The following TXNDC5 variants were observed in gnomAD, a reference collection of about 807,000 sequenced individuals.
The protein encoded by TXNDC5 is thioredoxin domain containing 5, also known as thioredoxin domain-containing protein 5.
In TXNDC5, 44 loss-of-function variants were observed where a neutral mutation model predicts 52.6. The ratio of observed to expected loss-of-function variants is 0.84; its 90% CI spans 0.66 to 1.08. TXNDC5 has a LOEUF of 1.08. TXNDC5 is among the 50% of genes least tolerant of loss of function. The pLI is 0.00. For synonymous variants in TXNDC5, 241 were observed against 234.4 expected, an observed-to-expected ratio of 1.03 and a Z score of -0.26; for missense variants, 600 against 565.5, an observed-to-expected ratio of 1.06 and a Z score of -0.62.
At chr6:7,909,878 G>A (rs542241283) in intron 1 of TXNDC5, 2 of 986,024 alleles carry the variant, frequency 2.0e-6, no homozygotes, top group South Asian at 9.4e-5. Context: ...TGTCCCAGCC[G>A]ACCCCGGTGG....
At chr6:7,907,985 T>A (rs1760790622) in intron 1 of TXNDC5, among the ~76,000 whole-genome samples, 1 of 152,154 alleles carries the variant, frequency 6.6e-6, no homozygotes, top group African/African-American at 2.4e-5. Context: ...TAGTAGACTA[T>A]CAAGAAGTCA....
intron 5 of TXNDC5, among the ~76,000 whole-genome samples, 163 bp downstream of exon 5, chr6:7,891,458 C>CA (rs1760187263): frequency 6.6e-6 from 1 of 152,176 alleles, no homozygotes; most frequent in African/African-American, 2.4e-5. Context: ...AACTCAAAAT[C>CA]AGACTGCCAT....
In TXNDC5 at chr6:7,891,918, C is replaced by T. The variant is rs116655673; in HGVS notation, c.617-182G>A. ...TGTGTTTCTGTTCATGACTTCATAA[C>T]AATACTCAAAACCAAATTTGTCATC... is the stretch of plus-strand genomic sequence containing the variant. On this transcript the variant is annotated intron_variant, in intron 4 of 9. Transcript: ENST00000379757. Among the ~76,000 whole-genome samples, 398 of 152,312 alleles carry T rather than the reference C, an allele frequency of 2.6e-3. 3 individuals carry two copies. Among genetic ancestry groups the T allele is most frequent in the Middle Eastern group, 0.014 (4 of 294 alleles).
intron 3 of TXNDC5, 30 bp downstream of exon 3, chr6:7,899,546 A>C: frequency 8.5e-7 from 1 of 1,175,392 alleles, no homozygotes. Flanking sequence ...GGAGGGAGGG[A>C]GGGAGGGAGG....
rs1176842440 is a variant in TXNDC5 at position 7,899,578 on chromosome 6, C to G, written c.517G>C (p.Val173Leu). The G allele has an allele frequency of 4.3e-6, 7 of 1,611,168 alleles. No homozygotes were observed. Among genetic ancestry groups the G allele is most frequent in the Non-Finnish European group, 5.9e-6 (7 of 1,179,154 alleles). The change falls in exon 3 of 10, where the codon GTG (valine) becomes CTG (leucine). Residue 173 changes from valine (V) to leucine (L), a missense_variant and splice_region_variant. Val to Leu is a conservative substitution (Grantham distance 32). Coordinates refer to ENST00000379757, the MANE Select transcript of TXNDC5 (RefSeq NM_030810.5). ...GAGGGAAGGAGGTAGACACTCACCA[C>G]TGGCTCCTCGTTCAGTGTCTGCAGC... Reference protein sequence around the residue: ...WMLQTLNEEPVTPEPEVEPPS... With the variant: ...WMLQTLNEEPLTPEPEVEPPS...
In TXNDC5 at chr6:7,910,454, G is replaced by GCGCCCCA. The variant is rs1760880800; in HGVS notation, c.263+53_263+59dup. 2.3e-6 allele frequency: 3 copies of GCGCCCCA among 1,297,772 alleles called. No individual in the cohort carries two copies. The African/African-American group carries it at 4.8e-5, about 21-fold the overall frequency. The allele number at this position is 1,297,772 out of a possible 1,614,324, so 80.4% of individuals were successfully genotyped here. ...GGGACCCCCCGCCCGCGGCGCCCAAGCGCCCCACGCCCCGCGAAGCGCCAA... is the reference window on the plus strand; with the variant it reads ...GGGACCCCCCGCCCGCGGCGCCCAAGCGCCCCACGCCCCACGCCCCGCGAAGCGCCAA... On this transcript the variant is annotated intron_variant, in intron 1 of 9. Coordinates refer to ENST00000379757, the MANE Select transcript of TXNDC5 (RefSeq NM_030810.5).
At chr6:7,883,371 T>G in intron 9 of TXNDC5, 105 bp from the exon 10 acceptor site, 4 of 1,537,284 alleles carry the variant, frequency 2.6e-6, no homozygotes, top group Non-Finnish European at 3.5e-6. Flanking sequence ...GCTGGAAAAA[T>G]TCTGTGGCTA....
intron 1 of TXNDC5, among the ~76,000 whole-genome samples, chr6:7,907,817 T>C (rs1760785384): frequency 6.6e-6 from 1 of 152,176 alleles, no homozygotes. Context: ...ATCTTGCCCC[T>C]GCTGACCTCC....
chr6:7,910,492 G>A (rs1330791619), intron 1 of TXNDC5, 22 bp downstream of exon 1: 1 of 1,423,320 alleles, frequency 7.0e-7, no homozygotes, highest in South Asian at 1.3e-5. Flanking sequence ...GCGGGGCAGG[G>A]CGCCGGCCTG....
Position 7,886,048 on chromosome 6 carries a change from A to T in TXNDC5, c.964-5T>A. ...AGTGAGTGCCAACACAGTGCCCTTC[A>T]AGGGAGGAAAAAGCCACAGTTCAAG... On this transcript the variant is annotated splice_polypyrimidine_tract_variant and splice_region_variant and intron_variant, in intron 7 of 9. Coordinates refer to ENST00000379757, the MANE Select transcript of TXNDC5 (RefSeq NM_030810.5). 1 of 1,613,880 alleles carries T rather than the reference A, an allele frequency of 6.2e-7. No homozygotes were observed. The highest frequency in any genetic ancestry group is 2.2e-5 in the East Asian group (1 of 44,874).
intron 4 of TXNDC5, among the ~76,000 whole-genome samples, chr6:7,893,497 C>T (rs546490002): frequency 6.6e-6 from 1 of 152,322 alleles, no homozygotes; most frequent in African/African-American, 2.4e-5. Context: ...CACGACACAG[C>T]TGTGTGGCAG....
At chr6:7,894,988 C>G (rs1045300080) in intron 4 of TXNDC5, 118 bp downstream of exon 4, 2 of 1,466,366 alleles carry the variant, frequency 1.4e-6, no homozygotes, top group Non-Finnish European at 1.8e-6. Flanking sequence ...TAGAGTGACC[C>G]TTTGTCAGTG....
chr6:7,886,098 C>T (rs914447728), intron 7 of TXNDC5, 55 bp from the exon 8 acceptor site: 4 of 1,520,906 alleles, frequency 2.6e-6, no homozygotes, highest in Admixed American at 3.6e-5. Context: ...TTGAGCAGGG[C>T]CATGCTTTGG....
Position 7,899,649 on chromosome 6 carries a change from A to AC in TXNDC5, c.445dup (p.Val149GlyfsTer45), listed in dbSNP as rs998936087. On this transcript the variant is annotated frameshift_variant, in exon 3 of 10. Coordinates refer to ENST00000379757, the MANE Select transcript of TXNDC5 (RefSeq NM_030810.5). LOFTEE classifies it high-confidence loss of function. ...GAAGTCCCGAGGACCCTGGTACTTCACAGCTTCTTGGCCTGGCTTGAAAAG... is the reference window on the plus strand; with the variant it reads ...GAAGTCCCGAGGACCCTGGTACTTCACCAGCTTCTTGGCCTGGCTTGAAAAG... 4.3e-6 allele frequency: 7 copies of AC among 1,613,988 alleles called. No homozygotes were observed. The highest frequency in any genetic ancestry group is 5.9e-6 in the Non-Finnish European group (7 of 1,180,002).
At chr6:7,885,736 T>C (rs544670828) in intron 8 of TXNDC5, among the ~76,000 whole-genome samples, 4 of 152,124 alleles carry the variant, frequency 2.6e-5, no homozygotes, top group Non-Finnish European at 5.9e-5. Flanking sequence ...ATAATCAAAG[T>C]TGATATAACT....
intron 6 of TXNDC5, 101 bp from the exon 7 acceptor site, chr6:7,888,949 A>C (rs762389981): frequency 6.9e-7 from 1 of 1,455,578 alleles, no homozygotes; most frequent in Non-Finnish European, 9.2e-7. Context: ...GAGCTCCCAG[A>C]TGTCTTAGCG....
rs774999902 is a variant in TXNDC5 at position 7,883,269 on chromosome 6, TAAAAC to T, written c.1177-8_1177-4del. ...AATAACGTGGGGTAGCCTCGTACCT[TAAAAC>T]AAAAAAGAAAAAAGTTTGCAAACCA... On this transcript the variant is annotated splice_polypyrimidine_tract_variant and splice_region_variant and intron_variant, in intron 9 of 9. Transcript: ENST00000379757. The T allele has an allele frequency of 9.9e-6, 16 of 1,613,708 alleles. No individual in the cohort carries two copies. Among genetic ancestry groups the T allele is most frequent in the African/African-American group, 2.7e-5 (2 of 74,864 alleles).
chr6:7,895,313 A>G (rs1581318537), intron 3 of TXNDC5, 111 bp from the exon 4 acceptor site: 5 of 872,436 alleles, frequency 5.7e-6, no homozygotes, highest in Non-Finnish European at 8.9e-6. Context: ...CCCTCACCCA[A>G]CAACCTGGAA....
intron 1 of TXNDC5, among the ~76,000 whole-genome samples, chr6:7,908,056 G>A (rs982217835): frequency 1.3e-5 from 2 of 152,080 alleles, no homozygotes; most frequent in Admixed American, 6.5e-5. Flanking sequence ...AGGAAGAGGC[G>A]GGCAGAACAC....
Sources: gnomAD v4.1 joint callset for allele counts (sites outside exome capture counted in the v4.1 genomes callset) on GRCh38, gnomAD v4.1.1 for gene constraint, MANE v1.5 for transcripts, NCBI Gene and HGNC (gene_info 2026-07-23, HGNC 2026-07-21) for gene names.